NDUFB8: variants seen among roughly 807,000 people sequenced by gnomAD.
NDUFB8 encodes NADH:ubiquinone oxidoreductase subunit B8.
Under a neutral mutation model 26.0 loss-of-function variants are expected in NDUFB8, and 17 were observed. The ratio of observed to expected loss-of-function variants is 0.65; its 90% CI spans 0.45 to 0.98. The LOEUF (loss-of-function observed/expected upper bound fraction) is 0.98, where lower values mean the gene tolerates loss of function less well. Among genes scored for constraint, NDUFB8 ranks in the 50% least tolerant of loss-of-function variants. NDUFB8 has a pLI of 0.00. For synonymous variants in NDUFB8, 89 were observed against 93.1 expected, an observed-to-expected ratio of 0.96 and a Z score of 0.25; for missense variants, 238 against 255.0, an observed-to-expected ratio of 0.93 and a Z score of 0.45.
upstream of NDUFB8, chr10:100,529,887 C>G: frequency 6.2e-7 from 1 of 1,607,024 alleles, no homozygotes; most frequent in Non-Finnish European, 8.5e-7. Flanking sequence ...TGCACATGCG[C>G]AAAGGCCTGT....
chr10:100,526,615 C>G, intron 3 of NDUFB8, 61 bp from the exon 4 acceptor site: 1 of 1,586,866 alleles, frequency 6.3e-7, no homozygotes, highest in Middle Eastern at 1.7e-4. Context: ...CAGGCAAGTC[C>G]CCAGTGATTA....
rs1852109316 is a variant in NDUFB8, at chr10:100,529,406, G to A, written c.186C>T (p.Tyr62=). 1 of 1,612,280 alleles carries A rather than the reference G, an allele frequency of 6.2e-7. No homozygotes were observed. Among genetic ancestry groups the A allele is most frequent in the African/African-American group, 1.3e-5 (1 of 74,774 alleles). ...CCATGCCATCATCCGGGTAAGGTTC[G>A]TAGTCTTCCACACGCATATTATACT... ...AKKYNMRVED[Y]EPYPDDGMGY... is the part of the protein sequence containing the mutation. Residue 62 remains tyrosine, a synonymous_variant, in exon 2 of 5, where the codon TAC becomes TAT. Coordinates refer to ENST00000299166, the MANE Select transcript of NDUFB8 (RefSeq NM_005004.4).
chr10:100,526,978 T>C lies in NDUFB8; in HGVS notation c.309A>G (p.Glu103=), dbSNP rs755572616. ...DQPGLRLNWG[E]PMHWHLDMYN... is the part of the protein sequence containing the mutation. ...AAATGAGATATGGTTCTCTTACCGG[T>C]TCACCCCAGTTCAACCTCAGGCCCG... The change falls in exon 3 of 5, where the codon GAA becomes GAG. Residue 103 remains glutamate (E), a synonymous_variant. Transcript: ENST00000299166. The C allele has an allele frequency of 4.1e-5, 66 of 1,613,650 alleles. No individual in the cohort carries two copies. In the Admixed American group the frequency reaches 6.3e-4, roughly 15 times the overall value.
intron 2 of NDUFB8, 40 bp downstream of exon 2, chr10:100,529,340 C>T (rs1356217881): frequency 6.5e-7 from 1 of 1,533,952 alleles, no homozygotes; most frequent in Non-Finnish European, 8.7e-7. Flanking sequence ...CGGCCTTCTC[C>T]CATCACTACT....
chr10:100,525,613 AGCGT>A (rs923457259), intron 4 of NDUFB8, among the ~76,000 whole-genome samples: 2 of 116,772 alleles, frequency 1.7e-5, no homozygotes, highest in Non-Finnish European at 3.4e-5. Context: ...CACCACCCAA[AGCGT>A]GTGTGTGTGT....
chr10:100,529,617 G>A (rs1852115543), intron 1 of NDUFB8, 111 bp from the exon 2 acceptor site: 4 of 1,557,554 alleles, frequency 2.6e-6, no homozygotes, highest in East Asian at 2.3e-5. Context: ...CAGGATCAGT[G>A]CGATCCTCCA....
At chr10:100,527,183 T>C (rs1031841989) in intron 2 of NDUFB8, 109 bp from the exon 3 acceptor site, 5 of 876,846 alleles carry the variant, frequency 5.7e-6, no homozygotes, top group African/African-American at 1.7e-5. Context: ...CTGCCTCACC[T>C]AAGGACAAAG....
At chr10:100,527,192 AG>A (rs1367461684) in intron 2 of NDUFB8, 118 bp from the exon 3 acceptor site, 1 of 793,764 alleles carries the variant, frequency 1.3e-6, no homozygotes, top group African/African-American at 1.7e-5. Context: ...CTAAGGACAA[AG>A]GAACTAAACC....
chr10:100,529,543 G>A, intron 1 of NDUFB8, 37 bp from the exon 2 acceptor site: 1 of 1,602,002 alleles, frequency 6.2e-7, no homozygotes, highest in Non-Finnish European at 8.5e-7. Flanking sequence ...AAGCGAGCCC[G>A]CTCTCCAGCC....
At position 100,524,574 on chromosome 10, in the gene NDUFB8, C is replaced by G. The variant is rs535334693; in HGVS notation, c.469-645G>C. On this transcript the variant is annotated intron_variant, in intron 4 of 4. Transcript: ENST00000299166. The surrounding 1 kb of genome is among the most constrained non-coding windows in gnomAD (Gnocchi z 4.0). ...TCCTGAAGTGAAGTTAGTGCTCACC[C>G]TAGCCCTACGTGCATTCTCCAGCAT... Among the ~76,000 whole-genome samples the G allele has an allele frequency of 2.0e-5, 3 of 152,338 alleles. No individual in the cohort carries two copies. The highest frequency in any genetic ancestry group is 2.1e-4 in the South Asian group (1 of 4,832).
chr10:100,529,120 C>T, intron 2 of NDUFB8: 1 of 310,830 alleles, frequency 3.2e-6, no homozygotes, highest in Non-Finnish European at 5.9e-6. Context: ...TCCTGCTATT[C>T]GGGGGTCCTC....
At chr10:100,528,724 T>C (rs559805115) in intron 2 of NDUFB8, among the ~76,000 whole-genome samples, 25 of 152,234 alleles carry the variant, frequency 1.6e-4, no homozygotes, top group Admixed American at 7.8e-4. Context: ...ACAAGAAGAA[T>C]AGAAGTTGCT....
In NDUFB8 at chr10:100,525,527, G is replaced by A. The variant is rs538309352; in HGVS notation, c.468+872C>T. On this transcript the variant is annotated intron_variant, in intron 4 of 4. Transcript: ENST00000299166. ...GCCCACCTCAGCCTCCCAATGTGCCGGGATTACAGGCGCAAACCACCATAC... is the reference window on the plus strand; with the variant it reads ...GCCCACCTCAGCCTCCCAATGTGCCAGGATTACAGGCGCAAACCACCATAC... 2.2e-4 allele frequency among the ~76,000 whole-genome samples: 33 copies of A among 152,138 alleles called. No individual in the cohort carries two copies. The South Asian group carries it at 5.8e-3, about 27-fold the overall frequency.
intron 1 of NDUFB8, 54 bp from the exon 2 acceptor site, chr10:100,529,560 A>G (rs1852114572): frequency 6.2e-7 from 1 of 1,600,562 alleles, no homozygotes; most frequent in East Asian, 2.2e-5. Context: ...AGCCGCTCCG[A>G]AGGCTTCAAG....
At chr10:100,526,870 G>T in intron 3 of NDUFB8, 105 bp downstream of exon 3, 1 of 1,093,112 alleles carries the variant, frequency 9.1e-7, no homozygotes, top group Non-Finnish European at 1.4e-6. Context: ...GCTTCCTTGA[G>T]CAGGAAAGCT....
chr10:100,527,872 G>A (rs1304259086), intron 2 of NDUFB8, among the ~76,000 whole-genome samples: 1 of 152,060 alleles, frequency 6.6e-6, no homozygotes. Context: ...CAGACTGGAG[G>A]GCAATGGCAC....
At position 100,529,475 on chromosome 10, in the gene NDUFB8, C is replaced by T. The variant is rs1347794017; in HGVS notation, c.117G>A (p.Gly39=). ...ASHMTKDMFP[G]PYPRTPEERA... ...GTTCTTCTGGGGTCCTAGGATAGGG[C>T]CCCGGGAACATGTCCTTGGTCATGT... Residue 39 remains glycine (G), a synonymous_variant, in exon 2 of 5, where the codon GGG becomes GGA. Coordinates refer to ENST00000299166, the MANE Select transcript of NDUFB8 (RefSeq NM_005004.4). The T allele has an allele frequency of 1.2e-6, 2 of 1,612,624 alleles. No individual in the cohort carries two copies. The highest frequency in any genetic ancestry group is 2.2e-5 in the East Asian group (1 of 44,840).
intron 1 of NDUFB8, 82 bp from the exon 2 acceptor site, chr10:100,529,588 G>C: frequency 1.3e-6 from 2 of 1,588,146 alleles, no homozygotes; most frequent in Non-Finnish European, 8.5e-7. Context: ...GGCTGCAGAG[G>C]TCCGAGCCCG....
Position 100,529,377 on chromosome 10 carries a change from C to T in NDUFB8, c.212+3G>A, listed in dbSNP as rs371084723. 26 of 1,605,118 alleles carry T rather than the reference C, an allele frequency of 1.6e-5. No individual in the cohort carries two copies. In the African/African-American group the frequency reaches 3.1e-4, roughly 19 times the overall value. ...GGGTGCGAGCATACCCTCTCTGTCTCACCCCATGCCATCATCCGGGTAAGG... is the reference window on the plus strand; with the variant it reads ...GGGTGCGAGCATACCCTCTCTGTCTTACCCCATGCCATCATCCGGGTAAGG... On this transcript the variant is annotated splice_donor_region_variant and intron_variant, in intron 2 of 4. Transcript: ENST00000299166.
Sources: allele counts gnomAD v4.1 joint callset (sites outside exome capture counted in the v4.1 genomes callset), GRCh38; gene constraint gnomAD v4.1.1; non-coding constraint Gnocchi (gnomAD v3.1); transcripts MANE v1.5; gene names NCBI Gene and HGNC (gene_info 2026-07-23, HGNC 2026-07-21).